The following TNNI3K variants were observed in gnomAD, a reference collection of about 807,000 sequenced individuals.
The protein encoded by TNNI3K is serine/threonine-protein kinase TNNI3K.
In TNNI3K, 140 loss-of-function variants were observed where a neutral mutation model predicts 114.5. The ratio of observed to expected loss-of-function variants is 1.22; its 90% CI spans 1.07 to 1.41. TNNI3K has a LOEUF of 1.41. TNNI3K is among the 40% of genes most tolerant of loss of function. The probability of loss-of-function intolerance (pLI) is 0.00; values close to 1 mark genes in which losing one functional copy is unlikely to be tolerated. For synonymous variants in TNNI3K, 347 were observed against 347.5 expected (o/e 1.00, Z 0.02); for missense variants, 1,125 against 1,007.6 (o/e 1.12, Z -1.58).
At chr1:74,375,590 T>C (rs1662866355) in intron 17 of TNNI3K, 5 of 455,400 alleles carry the variant, frequency 1.1e-5, no homozygotes, top group South Asian at 7.8e-5. Flanking sequence ...GCTCAGCTGC[T>C]ACCACCCAGA....
chr1:74,279,425 T>C (rs1456973863), intron 5 of TNNI3K, among the ~76,000 whole-genome samples: 2 of 152,224 alleles, frequency 1.3e-5, no homozygotes, highest in East Asian at 1.9e-4. Context: ...GTATAACCAG[T>C]GAACTTCTTT....
At chr1:74,497,086 T>A (rs1451412231) in intron 23 of TNNI3K, among the ~76,000 whole-genome samples, 2 of 152,196 alleles carry the variant, frequency 1.3e-5, no homozygotes, top group East Asian at 1.9e-4. Flanking sequence ...GCTTGCCTAG[T>A]GCACTTAGAA....
At chr1:74,493,199 G>C (rs1032956191) in intron 23 of TNNI3K, among the ~76,000 whole-genome samples, 3 of 152,146 alleles carry the variant, frequency 2.0e-5, no homozygotes, top group Non-Finnish European at 4.4e-5. Context: ...TGCTTCTAGG[G>C]GATAGGGAGG....
intron 17 of TNNI3K, among the ~76,000 whole-genome samples, chr1:74,407,865 G>C (rs1367939465): frequency 1.3e-5 from 2 of 151,994 alleles, no homozygotes; most frequent in Non-Finnish European, 2.9e-5. Flanking sequence ...TAAAACTTTA[G>C]CATTATGAAA....
chr1:74,306,845 G>A (rs960402227), intron 5 of TNNI3K, among the ~76,000 whole-genome samples: 5 of 152,090 alleles, frequency 3.3e-5, no homozygotes, highest in East Asian at 1.9e-4. Context: ...CTTTTGCTGT[G>A]TAGAAGCTCT....
At chr1:74,306,443 A>T (rs1192018716) in intron 5 of TNNI3K, among the ~76,000 whole-genome samples, 1 of 152,202 alleles carries the variant, frequency 6.6e-6, no homozygotes, top group Non-Finnish European at 1.5e-5. Context: ...CAATTTTTGC[A>T]AAATCTCCAA....
intron 23 of TNNI3K, among the ~76,000 whole-genome samples, chr1:74,530,812 C>G (rs185861785): frequency 1.3e-5 from 2 of 151,290 alleles, no homozygotes; most frequent in Admixed American, 6.6e-5. Flanking sequence ...TTTTAGCAGT[C>G]AAGGCATGCA....
At chr1:74,296,176 T>C (rs1282644534) in intron 5 of TNNI3K, among the ~76,000 whole-genome samples, 2 of 151,760 alleles carry the variant, frequency 1.3e-5, no homozygotes, top group Non-Finnish European at 2.9e-5. Flanking sequence ...CTCTGGAGGC[T>C]GAGGCAGGAG....
At chr1:74,385,857 G>A (rs939039785) in intron 17 of TNNI3K, among the ~76,000 whole-genome samples, 6 of 152,154 alleles carry the variant, frequency 3.9e-5, no homozygotes, top group Non-Finnish European at 7.4e-5. Context: ...TGCATAAATT[G>A]GATGGCAAAG....
At chr1:74,296,304 G>T (rs576281391) in intron 5 of TNNI3K, among the ~76,000 whole-genome samples, 3 of 151,158 alleles carry the variant, frequency 2.0e-5, no homozygotes, top group African/African-American at 7.3e-5. Context: ...ATATAACATT[G>T]TTCATTAAAG....
chr1:74,488,155 A>G (rs1207031997), intron 21 of TNNI3K, among the ~76,000 whole-genome samples: 1 of 152,174 alleles, frequency 6.6e-6, no homozygotes, highest in Non-Finnish European at 1.5e-5. Context: ...GGGTGTGGCT[A>G]GACTCTGGTG....
At position 74,370,308 on chromosome 1, in the gene TNNI3K, A is replaced by AATT; in HGVS notation, c.1690_1692dup (p.Leu564dup). 7 of 1,599,184 alleles carry AATT rather than the reference A, an allele frequency of 4.4e-6. No homozygotes were observed. The highest frequency in any genetic ancestry group is 6.0e-6 in the Non-Finnish European group (7 of 1,171,696). On this transcript the variant is annotated inframe_insertion, in exon 17 of 25. Coordinates refer to ENST00000326637, the MANE Select transcript of TNNI3K (RefSeq NM_015978.3). Reference sequence around the variant, plus strand: ...TCTAGGATTCTTGATTTGCAGTCTAAATTAATTATTGCAGTAGATGTTGCC... The same window carrying AATT: ...TCTAGGATTCTTGATTTGCAGTCTAAATTATTAATTATTGCAGTAGATGTTGCC...
intron 9 of TNNI3K, among the ~76,000 whole-genome samples, chr1:74,345,019 A>G (rs962424936): frequency 1.6e-4 from 24 of 152,040 alleles, no homozygotes; most frequent in African/African-American, 5.8e-4. Context: ...GTACACGCAT[A>G]CACGTGTGTG....
intron 4 of TNNI3K, among the ~76,000 whole-genome samples, chr1:74,255,082 A>T (rs1291399896): frequency 2.0e-5 from 3 of 152,192 alleles, no homozygotes; most frequent in Admixed American, 1.3e-4. Context: ...TTTAACTGTA[A>T]ACATCTAGAG....
intron 17 of TNNI3K, among the ~76,000 whole-genome samples, chr1:74,378,960 AG>A (rs1414493980): frequency 6.6e-6 from 1 of 151,972 alleles, no homozygotes; most frequent in African/African-American, 2.4e-5. Flanking sequence ...ATATAATGTT[AG>A]TTGCATACTA....
chr1:74,254,039 A>G (rs1655126112), intron 4 of TNNI3K, among the ~76,000 whole-genome samples: 1 of 152,224 alleles, frequency 6.6e-6, no homozygotes, highest in African/African-American at 2.4e-5. Context: ...CCCTTCCCCC[A>G]TATAGTATTA....
chr1:74,463,293 T>C (rs1667526573), intron 20 of TNNI3K, 148 bp from the exon 21 acceptor site: 7 of 750,994 alleles, frequency 9.3e-6, no homozygotes, highest in Admixed American at 2.4e-5. Context: ...CTTTAGACCA[T>C]TGGGGGAAAA....
intron 17 of TNNI3K, among the ~76,000 whole-genome samples, chr1:74,388,313 C>T (rs1347380388): frequency 3.3e-5 from 5 of 152,116 alleles, no homozygotes. Context: ...TGTCTTCCCA[C>T]TCTCCTACCC....
At chr1:74,277,170 T>C (rs1318069219) in intron 5 of TNNI3K, among the ~76,000 whole-genome samples, 1 of 152,134 alleles carries the variant, frequency 6.6e-6, no homozygotes, top group Non-Finnish European at 1.5e-5. Context: ...CATACATTTG[T>C]CATTTGGTTG....
Sources: allele counts gnomAD v4.1 joint callset (sites outside exome capture counted in the v4.1 genomes callset), GRCh38; gene constraint gnomAD v4.1.1; transcripts MANE v1.5; gene names NCBI Gene and HGNC (gene_info 2026-07-23, HGNC 2026-07-21).